Variants in DNAJC3 observed in about 807,000 individuals in gnomAD.
DNAJC3 encodes dnaJ homolog subfamily C member 3.
In DNAJC3, 38 loss-of-function variants were observed where a neutral mutation model predicts 68.6. That is an observed-to-expected ratio of 0.55 (90% confidence interval 0.43 to 0.73). DNAJC3 has a LOEUF of 0.73. Ranked by LOEUF, DNAJC3 falls within the 30% of genes least tolerant of loss-of-function variation. The pLI is 0.00. For missense variants in DNAJC3, 526 were observed against 591.9 expected, an observed-to-expected ratio of 0.89 and a Z score of 1.16; for synonymous variants, 203 against 204.0, an observed-to-expected ratio of 1.00 and a Z score of 0.04.
At chr13:95,725,113 C>T (rs1442780240) in intron 3 of DNAJC3, 65 bp from the exon 4 acceptor site, 32 of 1,080,824 alleles carry the variant, frequency 3.0e-5, no homozygotes, top group South Asian at 1.7e-4. Flanking sequence ...TTTTATTCTT[C>T]GTGTTTAAAA....
At chr13:95,741,965 G>A (rs1882158479) in intron 4 of DNAJC3, among the ~76,000 whole-genome samples, 1 of 152,172 alleles carries the variant, frequency 6.6e-6, no homozygotes, top group Admixed American at 6.5e-5. Context: ...TGCTGGCTGT[G>A]GTGGGTAAGG....
chr13:95,723,343 C>A lies in DNAJC3; in HGVS notation c.295C>A (p.Gln99Lys). The part of the protein sequence containing the change: ...AALPDLTKVI[Q>K]LKMDFTAARL... Reference sequence around the variant, plus strand: ...ACTTCCTGATTTAACTAAAGTGATTCAATTGAAGATGGACTTCACTGCAGT... The same window carrying A: ...ACTTCCTGATTTAACTAAAGTGATTAAATTGAAGATGGACTTCACTGCAGT... The change falls in exon 3 of 12, where the codon CAA (glutamine) becomes AAA (lysine). Residue 99 changes from glutamine (Q) to lysine (K), a missense_variant. Transcript: ENST00000602402. 6.2e-7 allele frequency: 1 copy of A among 1,611,634 alleles called. No homozygotes were observed. The highest frequency in any genetic ancestry group is 1.3e-5 in the African/African-American group (1 of 74,962).
At position 95,791,307 on chromosome 13, in the gene DNAJC3, G is replaced by GAAGT; in HGVS notation, c.*278_*281dup. On this transcript the variant is annotated 3_prime_UTR_variant, in exon 12 of 12. Transcript: ENST00000602402. ...GTGGTCTGAGGCAGGCTCACCCGTG[G>GAAGT]AAGTGCTCACGTATTCTGTATTATT... 1 of 423,768 alleles carries GAAGT rather than the reference G, an allele frequency of 2.4e-6. No homozygotes were observed. The highest frequency in any genetic ancestry group is 4.2e-6 in the Non-Finnish European group (1 of 240,008). The allele number at this position is 423,768 out of a possible 1,614,324, so 26.3% of individuals were successfully genotyped here.
chr13:95,762,133 A>T (rs1438362560), intron 7 of DNAJC3, among the ~76,000 whole-genome samples: 1 of 152,134 alleles, frequency 6.6e-6, no homozygotes, highest in African/African-American at 2.4e-5. Flanking sequence ...GTGGTGGCGC[A>T]TGCCTGTAAT....
At chr13:95,744,852 T>TA (rs565553559) in intron 4 of DNAJC3, 5 of 152,212 alleles carry the variant, frequency 3.3e-5, no homozygotes, top group African/African-American at 1.2e-4. Context: ...AGATGAATGT[T>TA]AAAACTATTC....
chr13:95,781,984 G>A (rs570219844), intron 9 of DNAJC3, among the ~76,000 whole-genome samples: 1 of 152,164 alleles, frequency 6.6e-6, no homozygotes, highest in South Asian at 2.1e-4. Context: ...GCCCTGGTGT[G>A]TGATGTTCCC....
chr13:95,730,790 GCT>G (rs1330139413), intron 4 of DNAJC3, among the ~76,000 whole-genome samples: 4 of 152,044 alleles, frequency 2.6e-5, no homozygotes, highest in Non-Finnish European at 4.4e-5. Context: ...GGCTATTCAG[GCT>G]CTGTTTTGGT....
chr13:95,772,521 T>A (rs990013853), intron 9 of DNAJC3, among the ~76,000 whole-genome samples: 2 of 152,234 alleles, frequency 1.3e-5, no homozygotes, highest in Non-Finnish European at 2.9e-5. Flanking sequence ...CTCTGCATCC[T>A]TGCAAACATT....
At chr13:95,752,249 C>T (rs776719792) in intron 4 of DNAJC3, among the ~76,000 whole-genome samples, 9 of 151,976 alleles carry the variant, frequency 5.9e-5, no homozygotes, top group Non-Finnish European at 1.0e-4. Flanking sequence ...CTTTGTTTAT[C>T]GGTATTTACT....
chr13:95,769,226 G>A (rs1393368827), intron 9 of DNAJC3, among the ~76,000 whole-genome samples: 1 of 152,182 alleles, frequency 6.6e-6, no homozygotes, highest in Non-Finnish European at 1.5e-5. Flanking sequence ...TGTGCCATCA[G>A]GTCAGGCAGC....
At chr13:95,763,431 C>T (rs1882881580) in intron 7 of DNAJC3, among the ~76,000 whole-genome samples, 1 of 152,072 alleles carries the variant, frequency 6.6e-6, no homozygotes, top group Non-Finnish European at 1.5e-5. Context: ...CCATCTGCAT[C>T]TCCTATGGTC....
intron 4 of DNAJC3, among the ~76,000 whole-genome samples, chr13:95,740,098 G>A (rs1882075512): frequency 6.6e-6 from 1 of 152,164 alleles, no homozygotes; most frequent in African/African-American, 2.4e-5. Flanking sequence ...GCCCCTGCTG[G>A]GGGGTGCCTC....
At chr13:95,699,941 C>T (rs1032665727) in intron 1 of DNAJC3, among the ~76,000 whole-genome samples, 2 of 152,120 alleles carry the variant, frequency 1.3e-5, no homozygotes, top group South Asian at 2.1e-4. Flanking sequence ...CTTCAGCCTC[C>T]TGAGTAGTTG....
intron 4 of DNAJC3, among the ~76,000 whole-genome samples, chr13:95,747,983 T>C (rs1882355966): frequency 6.6e-6 from 1 of 152,256 alleles, no homozygotes; most frequent in Non-Finnish European, 1.5e-5. Context: ...TTCCTGGTTC[T>C]CACTAACTTG....
intron 9 of DNAJC3, among the ~76,000 whole-genome samples, chr13:95,781,458 T>C (rs906821319): frequency 6.6e-6 from 1 of 152,182 alleles, no homozygotes; most frequent in Non-Finnish European, 1.5e-5. Context: ...TTATTACTAA[T>C]GTGCTCCTGC....
At chr13:95,748,220 A>G (rs930132684) in intron 4 of DNAJC3, among the ~76,000 whole-genome samples, 2 of 152,204 alleles carry the variant, frequency 1.3e-5, no homozygotes, top group Non-Finnish European at 2.9e-5. Flanking sequence ...TAGTCCTTTC[A>G]TATAACTGTA....
chr13:95,726,758 G>C (rs1217971351), intron 4 of DNAJC3, among the ~76,000 whole-genome samples: 2 of 152,162 alleles, frequency 1.3e-5, no homozygotes, highest in East Asian at 3.9e-4. Flanking sequence ...GAATGGTCTA[G>C]AAAGGGTATA....
chr13:95,759,208 C>G (rs17881101), intron 5 of DNAJC3, among the ~76,000 whole-genome samples: 8,524 of 152,206 alleles, frequency 0.056, 350 homozygotes, highest in East Asian at 0.18. Context: ...AATGGTGAAG[C>G]CTCAACCTCC....
chr13:95,719,895 G>T (rs528786925), intron 2 of DNAJC3, among the ~76,000 whole-genome samples: 2 of 152,248 alleles, frequency 1.3e-5, no homozygotes, highest in Admixed American at 6.5e-5. Flanking sequence ...TTTCCAAATA[G>T]AAATCTAATG....
Sources: gnomAD v4.1 joint callset for allele counts (sites outside exome capture counted in the v4.1 genomes callset) on GRCh38, gnomAD v4.1.1 for gene constraint, MANE v1.5 for transcripts, NCBI Gene and HGNC (gene_info 2026-07-23, HGNC 2026-07-21) for gene names.